The following CDH13 variants were observed in gnomAD, a reference collection of about 807,000 sequenced individuals.
CDH13 encodes cadherin 13.
In CDH13, 24 loss-of-function variants were observed where a neutral mutation model predicts 63.8. The ratio of observed to expected loss-of-function variants is 0.38; its 90% CI spans 0.27 to 0.53. The LOEUF (loss-of-function observed/expected upper bound fraction) is 0.53, where lower values mean the gene tolerates loss of function less well. Among genes scored for constraint, CDH13 ranks in the 20% least tolerant of loss-of-function variants. The pLI is 0.85. For missense variants in CDH13, 1,049 were observed against 903.1 expected (o/e 1.16, Z -2.07); for synonymous variants, 503 against 355.3 (o/e 1.42, Z -4.67).
chr16:83,295,706 C>T (rs573437960), intron 5 of CDH13, among the ~76,000 whole-genome samples: 1 of 152,054 alleles, frequency 6.6e-6, no homozygotes, highest in African/African-American at 2.4e-5. Flanking sequence ...AATGAGGAAC[C>T]CTTGCCCACT....
Position 83,451,809 on chromosome 16 carries a change from G to A in CDH13, c.782-34668G>A, listed in dbSNP as rs75497502. 9.8e-4 allele frequency among the ~76,000 whole-genome samples: 150 copies of A among 152,312 alleles called. No homozygotes were observed. In the East Asian group the frequency reaches 0.023, roughly 23 times the overall value. On this transcript the variant is annotated intron_variant, in intron 6 of 13. Transcript: ENST00000567109. ...CTGGCATTACAGGCATGTGCCACAC[G>A]ATGCCCAGTCCATTTTATTTCGTAC... is the stretch of plus-strand genomic sequence containing the variant.
intron 10 of CDH13, among the ~76,000 whole-genome samples, chr16:83,731,905 G>T (rs1334870648): frequency 6.6e-6 from 1 of 152,234 alleles, no homozygotes; most frequent in Admixed American, 6.5e-5. Flanking sequence ...TGCATGACAG[G>T]TAGCAGGTAG....
At chr16:83,784,710 A>G (rs1226115258) in intron 13 of CDH13, among the ~76,000 whole-genome samples, 1 of 151,758 alleles carries the variant, frequency 6.6e-6, no homozygotes, top group Non-Finnish European at 1.5e-5. Flanking sequence ...CTGAAAGCGA[A>G]CATATCATCT....
chr16:83,004,232 A>G (rs1056906014), intron 2 of CDH13, among the ~76,000 whole-genome samples: 1 of 152,088 alleles, frequency 6.6e-6, no homozygotes, highest in Non-Finnish European at 1.5e-5. Context: ...GGAGTCAGGG[A>G]TAAAGATAGG....
At chr16:83,417,199 G>A (rs551609823) in intron 6 of CDH13, among the ~76,000 whole-genome samples, 2 of 152,022 alleles carry the variant, frequency 1.3e-5, no homozygotes, top group South Asian at 2.1e-4. Flanking sequence ...TTTAAACCAG[G>A]GCAGTCTGAC....
At chr16:83,701,174 T>A (rs1906164826) in intron 10 of CDH13, among the ~76,000 whole-genome samples, 1 of 152,158 alleles carries the variant, frequency 6.6e-6, no homozygotes, top group Non-Finnish European at 1.5e-5. Flanking sequence ...TTGTCATTAC[T>A]TAATTCTGTG....
chr16:83,793,997 A>G (rs542818875), intron 13 of CDH13, among the ~76,000 whole-genome samples: 1 of 152,204 alleles, frequency 6.6e-6, no homozygotes, highest in Admixed American at 6.5e-5. Flanking sequence ...GGTGAAAAAG[A>G]GAAGATGCTG....
chr16:82,890,335 C>A (rs1405682624), intron 2 of CDH13, among the ~76,000 whole-genome samples: 1 of 152,182 alleles, frequency 6.6e-6, no homozygotes, highest in Non-Finnish European at 1.5e-5. Context: ...CCAGCCCTTT[C>A]AGTAAGGCAT....
intron 5 of CDH13, among the ~76,000 whole-genome samples, chr16:83,279,988 G>A (rs1029577003): frequency 6.6e-6 from 1 of 152,164 alleles, no homozygotes; most frequent in Non-Finnish European, 1.5e-5. Flanking sequence ...ACAAACATCT[G>A]AATCTTTTTG....
intron 7 of CDH13, among the ~76,000 whole-genome samples, chr16:83,535,947 G>C (rs2075177002): frequency 1.4e-5 from 1 of 69,998 alleles, no homozygotes; most frequent in South Asian, 5.1e-4. Context: ...AAGGAAGGAA[G>C]GAAGGAAGAA....
intron 1 of CDH13, among the ~76,000 whole-genome samples, chr16:82,783,461 A>C (rs1597566854): frequency 6.6e-6 from 1 of 152,320 alleles, no homozygotes; most frequent in East Asian, 1.9e-4. Context: ...TGAATTAAAG[A>C]GATTGGGCTG....
intron 6 of CDH13, among the ~76,000 whole-genome samples, chr16:83,413,230 A>G (rs1274706835): frequency 1.3e-5 from 2 of 152,206 alleles, no homozygotes; most frequent in African/African-American, 4.8e-5. Flanking sequence ...AACCCATTAA[A>G]TTTTGTAATG....
chr16:82,828,332 C>T (rs1212203670), intron 1 of CDH13, among the ~76,000 whole-genome samples: 1 of 152,158 alleles, frequency 6.6e-6, no homozygotes, highest in African/African-American at 2.4e-5. Context: ...CAAAAGTATC[C>T]TCTGGCCGAG....
At chr16:83,162,834 T>C (rs2151714027) in intron 4 of CDH13, among the ~76,000 whole-genome samples, 1 of 152,188 alleles carries the variant, frequency 6.6e-6, no homozygotes, top group East Asian at 1.9e-4. Context: ...CTTGGAGAAA[T>C]GGTGTTATAG....
At chr16:82,765,779 T>C (rs2035033228) in intron 1 of CDH13, among the ~76,000 whole-genome samples, 1 of 151,562 alleles carries the variant, frequency 6.6e-6, no homozygotes, top group South Asian at 2.1e-4. Context: ...GGGAAGAGAG[T>C]GGGAAGGAAA....
At chr16:83,079,908 G>C (rs571826077) in intron 3 of CDH13, among the ~76,000 whole-genome samples, 9 of 152,264 alleles carry the variant, frequency 5.9e-5, no homozygotes, top group African/African-American at 1.9e-4. Flanking sequence ...TCTAATTTCA[G>C]CCTAATGCTG....
chr16:83,626,131 C>T (rs1910277304), intron 8 of CDH13, among the ~76,000 whole-genome samples: 1 of 152,076 alleles, frequency 6.6e-6, no homozygotes. Flanking sequence ...CTATGTCAGC[C>T]TCCTGCGTAG....
intron 4 of CDH13, among the ~76,000 whole-genome samples, chr16:83,126,624 G>A (rs1437951422): frequency 1.3e-5 from 2 of 152,126 alleles, no homozygotes; most frequent in Non-Finnish European, 2.9e-5. Context: ...CTTAGGAGAA[G>A]GGACAAGGAA....
chr16:83,626,445 AGC>A (rs773256901), intron 8 of CDH13, among the ~76,000 whole-genome samples: 23 of 152,162 alleles, frequency 1.5e-4, no homozygotes, highest in Non-Finnish European at 2.1e-4. Context: ...GCGTTAATGA[AGC>A]ACGTGCTATG....
Sources: allele counts gnomAD v4.1 joint callset (sites outside exome capture counted in the v4.1 genomes callset), GRCh38; gene constraint gnomAD v4.1.1; transcripts MANE v1.5; gene names NCBI Gene and HGNC (gene_info 2026-07-23, HGNC 2026-07-21).